Variants in SMIM14 observed in about 807,000 individuals in gnomAD.
The protein encoded by SMIM14 is chromosome 4 open reading frame 34.
In SMIM14, 5 loss-of-function variants were observed where a neutral mutation model predicts 12.6. The observed-to-expected ratio is 0.40, with a 90% CI of 0.21 to 0.83. SMIM14 has a LOEUF of 0.83. SMIM14 is among the 40% of genes least tolerant of loss of function. The pLI is 0.37. For missense variants in SMIM14, 86 were observed against 119.1 expected (o/e 0.72, Z 1.29); for synonymous variants, 30 against 40.1 (o/e 0.75, Z 0.95).
chr4:39,569,943 C>T (rs1306692791), intron 3 of SMIM14, among the ~76,000 whole-genome samples: 1 of 152,060 alleles, frequency 6.6e-6, no homozygotes, highest in Admixed American at 6.6e-5. Flanking sequence ...CATTAGTTTC[C>T]TCCCAAATAT....
rs1711688023 is a variant in SMIM14, at chr4:39,551,256, TCCCAAGAGGCACTC to T, written c.*856_*869del. 1 of 152,236 alleles carries T rather than the reference TCCCAAGAGGCACTC, an allele frequency of 6.6e-6. No homozygotes were observed. Among genetic ancestry groups the T allele is most frequent in the African/African-American group, 2.4e-5 (1 of 41,428 alleles). The allele number at this position is 152,236 out of a possible 1,614,324, so 9.4% of individuals were successfully genotyped here. A position where few individuals can be genotyped will look rare whatever the true frequency, so the allele number is the denominator to read the frequency against. ...GAACTGTTAGAACAGAAAAGAAGCT[TCCCAAGAGGCACTC>T]ATTTTAAAAATAAATTATAGCTTAA... is the stretch of plus-strand genomic sequence containing the variant. On this transcript the variant is annotated 3_prime_UTR_variant, in exon 5 of 5. Coordinates refer to ENST00000295958, the MANE Select transcript of SMIM14 (RefSeq NM_174921.3).
At chr4:39,554,938 C>T (rs915746908) in intron 4 of SMIM14, among the ~76,000 whole-genome samples, 2 of 149,176 alleles carry the variant, frequency 1.3e-5, no homozygotes, top group African/African-American at 2.5e-5. Context: ...TGGGTTCAAG[C>T]AATTCTCTTG....
intron 1 of SMIM14, among the ~76,000 whole-genome samples, chr4:39,631,613 T>C (rs1715902903): frequency 6.6e-6 from 1 of 151,084 alleles, no homozygotes; most frequent in South Asian, 2.1e-4. Flanking sequence ...GAGCCGACAT[T>C]GCGCCACTGC....
intron 1 of SMIM14, among the ~76,000 whole-genome samples, chr4:39,637,023 T>C (rs1017596654): frequency 2.6e-5 from 4 of 152,094 alleles, no homozygotes; most frequent in Non-Finnish European, 4.4e-5. Flanking sequence ...AGGTCCAAAG[T>C]CCATGTCTGA....
chr4:39,633,894 A>G (rs928133902), intron 1 of SMIM14, among the ~76,000 whole-genome samples: 2 of 152,234 alleles, frequency 1.3e-5, no homozygotes, highest in Admixed American at 6.5e-5. Context: ...AGCACTCAAT[A>G]CAACAATGCA....
intron 1 of SMIM14, among the ~76,000 whole-genome samples, chr4:39,631,129 C>T (rs1386388047): frequency 6.6e-6 from 1 of 151,514 alleles, no homozygotes; most frequent in Non-Finnish European, 1.5e-5. Flanking sequence ...GTCAGGAGTT[C>T]GACACCAGCC....
chr4:39,587,463 T>C (rs1047811281), intron 2 of SMIM14, among the ~76,000 whole-genome samples: 1 of 120,958 alleles, frequency 8.3e-6, no homozygotes, highest in African/African-American at 3.4e-5. Flanking sequence ...GCCACTGCAC[T>C]CCAGCCTGGG....
chr4:39,582,340 A>G (rs1185351371), intron 2 of SMIM14, among the ~76,000 whole-genome samples: 1 of 152,132 alleles, frequency 6.6e-6, no homozygotes, highest in African/African-American at 2.4e-5. Flanking sequence ...CATAAGAGAA[A>G]AAAGGGGAAG....
rs549442911 is a variant in SMIM14 at position 39,599,854 on chromosome 4, G to A, written c.75+5217C>T. 7.2e-5 allele frequency among the ~76,000 whole-genome samples: 11 copies of A among 151,758 alleles called. No homozygotes were observed. In the South Asian group the frequency reaches 1.0e-3, roughly 14 times the overall value. ...GGAAAATTGCTTGAACCCGGGAAGC[G>A]GAGGTTGCAGTGAGTCGAGATCGTG... On this transcript the variant is annotated intron_variant, in intron 2 of 4. Coordinates refer to ENST00000295958, the MANE Select transcript of SMIM14 (RefSeq NM_174921.3).
At chr4:39,553,376 T>C (rs2109977829) in intron 4 of SMIM14, among the ~76,000 whole-genome samples, 1 of 152,032 alleles carries the variant, frequency 6.6e-6, no homozygotes, top group East Asian at 1.9e-4. Context: ...TGTAATGATT[T>C]CTAAGTCAGG....
At chr4:39,585,941 T>C (rs986758082) in intron 2 of SMIM14, among the ~76,000 whole-genome samples, 2 of 152,060 alleles carry the variant, frequency 1.3e-5, no homozygotes, top group African/African-American at 4.8e-5. Context: ...TTCCCTTGCC[T>C]TGAAGAATAA....
chr4:39,619,742 AAATATAATT>A (rs1185015625), intron 1 of SMIM14, among the ~76,000 whole-genome samples: 35 of 96,786 alleles, frequency 3.6e-4, no homozygotes, highest in East Asian at 1.8e-3. Context: ...ATATATCAAT[AAATATAATT>A]TATTATATAT....
chr4:39,566,289 G>C (rs965888061), intron 3 of SMIM14, among the ~76,000 whole-genome samples: 18 of 151,942 alleles, frequency 1.2e-4, no homozygotes, highest in African/African-American at 4.4e-4. Context: ...AACTGTTATA[G>C]GAAGGATCTC....
At chr4:39,585,789 G>A (rs1713757076) in intron 2 of SMIM14, among the ~76,000 whole-genome samples, 1 of 152,030 alleles carries the variant, frequency 6.6e-6, no homozygotes. Flanking sequence ...TGACCAAAAA[G>A]CTTTGGGCAG....
intron 2 of SMIM14, among the ~76,000 whole-genome samples, chr4:39,603,585 A>G (rs995987703): frequency 9.2e-5 from 14 of 152,074 alleles, no homozygotes; most frequent in African/African-American, 3.1e-4. Flanking sequence ...AAATAATAAT[A>G]ACAATAATAA....
chr4:39,596,685 TACTG>T (rs1714378843), intron 2 of SMIM14, among the ~76,000 whole-genome samples: 1 of 152,226 alleles, frequency 6.6e-6, no homozygotes, highest in Non-Finnish European at 1.5e-5. Context: ...AAAAACATTG[TACTG>T]ACTTCAGCAA....
intron 2 of SMIM14, among the ~76,000 whole-genome samples, chr4:39,590,687 A>C (rs1437751370): frequency 4.6e-5 from 7 of 151,864 alleles, no homozygotes; most frequent in African/African-American, 1.5e-4. Context: ...CTGTAATCCC[A>C]GCTACTTGGG....
At chr4:39,605,276 G>T in intron 1 of SMIM14, 96 bp from the exon 2 acceptor site, 1 of 607,864 alleles carries the variant, frequency 1.6e-6, no homozygotes, top group Non-Finnish European at 2.8e-6. Context: ...ATTCACAATA[G>T]TATTAAACTA....
chr4:39,563,423 G>A (rs10212754), intron 3 of SMIM14, among the ~76,000 whole-genome samples: 16,891 of 152,148 alleles, frequency 0.11, 2,080 homozygotes, highest in African/African-American at 0.3. Context: ...GCCTGTGACA[G>A]TATCAACACC....
Sources: allele counts gnomAD v4.1 joint callset (sites outside exome capture counted in the v4.1 genomes callset), GRCh38; gene constraint gnomAD v4.1.1; transcripts MANE v1.5; gene names NCBI Gene and HGNC (gene_info 2026-07-23, HGNC 2026-07-21).